TRIQK: variants seen among roughly 807,000 people sequenced by gnomAD.
TRIQK encodes triple QxxK/R motif-containing protein.
Under a neutral mutation model 10.8 loss-of-function variants are expected in TRIQK, and 10 were observed. That is an observed-to-expected ratio of 0.92 (90% CI 0.57 to 1.57). The LOEUF is 1.57. TRIQK is among the 40% of genes most tolerant of loss of function. TRIQK has a pLI of 0.00. For synonymous variants in TRIQK, 33 were observed against 33.7 expected (o/e 0.98, Z 0.07); for missense variants, 107 against 97.7 (o/e 1.09, Z -0.40).
chr8:92,990,224 A>G (rs948645679), intron 1 of TRIQK, among the ~76,000 whole-genome samples: 4 of 152,218 alleles, frequency 2.6e-5, no homozygotes, highest in Admixed American at 1.3e-4. Context: ...GATTTTCTCA[A>G]GAATCGGGAG....
rs1816339404 is a variant in TRIQK at position 92,883,980 on chromosome 8, C to T, written c.*2642G>A. On this transcript the variant is annotated 3_prime_UTR_variant, in exon 5 of 5. Transcript: ENST00000521988. Reference sequence around the variant, plus strand: ...AAATAAGAACCAGCAAGCCTTCAAACTTCAATCACAGTATTCCATAGGCTA... The same window carrying T: ...AAATAAGAACCAGCAAGCCTTCAAATTTCAATCACAGTATTCCATAGGCTA... 6.6e-6 allele frequency: 1 copy of T among 151,772 alleles called. No homozygotes were observed. Among genetic ancestry groups the T allele is most frequent in the Non-Finnish European group, 1.5e-5 (1 of 67,840 alleles). 9.4% of individuals were successfully genotyped at this position (151,772 alleles called of 1,614,324 possible). A position where few individuals can be genotyped will look rare whatever the true frequency, so the allele number is the denominator to read the frequency against.
At position 92,948,784 on chromosome 8, in the gene TRIQK, G is replaced by A. The variant is rs115412680; in HGVS notation, c.-22+5622C>T. Reference sequence around the variant, plus strand: ...TTAATTTGAAACTTACGTATTTGATGTTTAATTATTGTAAACTTAATTGAA... The same window carrying A: ...TTAATTTGAAACTTACGTATTTGATATTTAATTATTGTAAACTTAATTGAA... On this transcript the variant is annotated intron_variant, in intron 2 of 4. Coordinates refer to ENST00000521988, the MANE Select transcript of TRIQK (RefSeq NM_001171797.2). 5.1e-3 allele frequency among the ~76,000 whole-genome samples: 784 copies of A among 152,276 alleles called. 7 individuals carry two copies. The highest frequency in any genetic ancestry group is 0.018 in the African/African-American group (731 of 41,538).
At chr8:92,935,754 G>A (rs1810955370) in intron 2 of TRIQK, among the ~76,000 whole-genome samples, 1 of 151,252 alleles carries the variant, frequency 6.6e-6, no homozygotes, top group African/African-American at 2.4e-5. Flanking sequence ...TTTAAAAAAA[G>A]ACTCAATATT....
At chr8:92,900,651 T>A (rs559550560) in intron 3 of TRIQK, among the ~76,000 whole-genome samples, 2 of 152,284 alleles carry the variant, frequency 1.3e-5, no homozygotes, top group East Asian at 3.9e-4. Flanking sequence ...AGTTCTGCAG[T>A]ATAATTTGAA....
intron 2 of TRIQK, among the ~76,000 whole-genome samples, chr8:92,936,543 A>G (rs902825408): frequency 1.3e-5 from 2 of 151,722 alleles, no homozygotes; most frequent in African/African-American, 4.8e-5. Context: ...CTGTTGATAC[A>G]TAGGCAAACA....
At chr8:93,001,278 G>T (rs1813208505) in intron 1 of TRIQK, among the ~76,000 whole-genome samples, 2 of 148,064 alleles carry the variant, frequency 1.4e-5, no homozygotes, top group Non-Finnish European at 3.0e-5. Flanking sequence ...CTGCACCCCA[G>T]CCTGGCAACA....
chr8:92,938,584 T>C (rs1278668297), intron 2 of TRIQK, among the ~76,000 whole-genome samples: 1 of 152,152 alleles, frequency 6.6e-6, no homozygotes, highest in African/African-American at 2.4e-5. Flanking sequence ...TGAAATACTT[T>C]TTATTTCTTC....
At chr8:93,004,453 G>T (rs1355636988) in intron 1 of TRIQK, among the ~76,000 whole-genome samples, 1 of 152,214 alleles carries the variant, frequency 6.6e-6, no homozygotes, top group African/African-American at 2.4e-5. Context: ...TGAGATGGGA[G>T]GGGCTGATGC....
intron 2 of TRIQK, among the ~76,000 whole-genome samples, chr8:92,923,782 C>T (rs1178768554): frequency 6.6e-6 from 1 of 151,694 alleles, no homozygotes; most frequent in Non-Finnish European, 1.5e-5. Flanking sequence ...AGCAATTTTG[C>T]GAACTGTATT....
At chr8:92,920,689 A>C (rs1336339308) in intron 2 of TRIQK, among the ~76,000 whole-genome samples, 6 of 151,792 alleles carry the variant, frequency 4.0e-5, no homozygotes, top group Non-Finnish European at 7.4e-5. Context: ...GGACATGAGA[A>C]TTAGGTCTAG....
intron 3 of TRIQK, among the ~76,000 whole-genome samples, chr8:92,904,980 G>C (rs933077376): frequency 6.6e-6 from 1 of 151,968 alleles, no homozygotes; most frequent in African/African-American, 2.4e-5. Context: ...TGGTGCAAAG[G>C]CTCAACTTCT....
Position 92,944,629 on chromosome 8 carries a change from G to T in TRIQK, c.-22+9777C>A, listed in dbSNP as rs966921566. Among the ~76,000 whole-genome samples, 3 of 152,130 alleles carry T rather than the reference G, an allele frequency of 2.0e-5. No homozygotes were observed. The East Asian group carries it at 5.8e-4, about 29-fold the overall frequency. On this transcript the variant is annotated intron_variant, in intron 2 of 4. Transcript: ENST00000521988. The stretch of plus-strand genomic sequence containing the variant: ...AGGCACAGGAAGACAGCTACAGCAT[G>T]ATCTCACTTACATGTGGAATCTAAA...
intron 2 of TRIQK, among the ~76,000 whole-genome samples, chr8:92,937,815 A>C (rs866419317): frequency 1.3e-5 from 2 of 151,874 alleles, no homozygotes; most frequent in Non-Finnish European, 2.9e-5. Flanking sequence ...ATCCTTTGGG[A>C]TATTATTGTC....
At chr8:92,954,031 A>C (rs1200355403) in intron 2 of TRIQK, 1 of 151,964 alleles carries the variant, frequency 6.6e-6, no homozygotes, top group Non-Finnish European at 1.5e-5. Context: ...GACTAAAACC[A>C]ATACATAATT....
At chr8:92,887,239 A>T (rs527506591) in intron 4 of TRIQK, among the ~76,000 whole-genome samples, 1 of 151,530 alleles carries the variant, frequency 6.6e-6, no homozygotes, top group South Asian at 2.1e-4. Context: ...ATAGATGTAT[A>T]CATACTCATT....
intron 1 of TRIQK, among the ~76,000 whole-genome samples, chr8:93,013,453 C>A (rs1223670955): frequency 6.6e-6 from 1 of 151,588 alleles, no homozygotes; most frequent in African/African-American, 2.4e-5. Context: ...GGAAGAAGGA[C>A]AATGCAGAAG....
chr8:92,897,846 T>G (rs1808691476), intron 3 of TRIQK, among the ~76,000 whole-genome samples: 2 of 152,058 alleles, frequency 1.3e-5, no homozygotes. Context: ...GGGGTACATC[T>G]CCATGCTACA....
intron 1 of TRIQK, among the ~76,000 whole-genome samples, chr8:92,971,419 C>G (rs1812876612): frequency 6.6e-6 from 1 of 152,126 alleles, no homozygotes; most frequent in Non-Finnish European, 1.5e-5. Flanking sequence ...CCAAAAGCTT[C>G]TTAAGCTGCT....
chr8:92,928,217 G>A (rs1810542536), intron 2 of TRIQK, among the ~76,000 whole-genome samples: 1 of 152,170 alleles, frequency 6.6e-6, no homozygotes, highest in Non-Finnish European at 1.5e-5. Context: ...AAAGTTAACA[G>A]GAATGTGTAG....
Sources: allele counts gnomAD v4.1 joint callset (sites outside exome capture counted in the v4.1 genomes callset), GRCh38; gene constraint gnomAD v4.1.1; transcripts MANE v1.5; gene names NCBI Gene and HGNC (gene_info 2026-07-23, HGNC 2026-07-21).